Variants in PATJ observed in about 807,000 individuals in gnomAD.
PATJ encodes the protein inaD-like protein.
In PATJ, 190 loss-of-function variants were observed where a neutral mutation model predicts 224.9. The observed-to-expected ratio is 0.84, with a 90% CI of 0.75 to 0.95. The LOEUF (loss-of-function observed/expected upper bound fraction) is 0.95, where lower values mean the gene tolerates loss of function less well. PATJ is among the 40% of genes least tolerant of loss of function. PATJ has a pLI of 0.00. For synonymous variants in PATJ, 769 were observed against 820.3 expected (o/e 0.94, Z 1.07); for missense variants, 2,121 against 2,270.3 (o/e 0.93, Z 1.34).
chr1:62,128,198 A>G, intron 40 of PATJ, 104 bp downstream of exon 40: 7 of 1,377,006 alleles, frequency 5.1e-6, no homozygotes, highest in Non-Finnish European at 7.1e-6. Context: ...AGTAGCCATC[A>G]GAGACCCAGG....
chr1:62,002,397 G>A (rs1027383505), intron 28 of PATJ, among the ~76,000 whole-genome samples: 2 of 152,106 alleles, frequency 1.3e-5, no homozygotes, highest in African/African-American at 4.8e-5. Flanking sequence ...TCACTAACAA[G>A]ATAACTGTTT....
intron 14 of PATJ, among the ~76,000 whole-genome samples, chr1:61,818,395 C>T (rs913860189): frequency 3.3e-5 from 5 of 152,228 alleles, no homozygotes; most frequent in South Asian, 2.1e-4. Flanking sequence ...CACCAGTCGT[C>T]TGTTTCACTC....
intron 27 of PATJ, among the ~76,000 whole-genome samples, chr1:61,979,244 C>A (rs1571621164): frequency 6.6e-6 from 1 of 152,120 alleles, no homozygotes; most frequent in East Asian, 1.9e-4. Context: ...GGGAGGGCAT[C>A]TAGGTTATTT....
At chr1:61,815,569 A>G (rs991656026) in intron 14 of PATJ, among the ~76,000 whole-genome samples, 2 of 152,118 alleles carry the variant, frequency 1.3e-5, no homozygotes, top group Non-Finnish European at 2.9e-5. Flanking sequence ...AAGCATCTAC[A>G]TGACTGGGCG....
rs867796258 is a variant in PATJ, at chr1:61,881,416, T to A, written c.2960-2821T>A. On this transcript the variant is annotated intron_variant, in intron 21 of 43. Coordinates refer to ENST00000642238, the MANE Select transcript of PATJ (RefSeq NM_001350145.3). The stretch of plus-strand genomic sequence containing the variant: ...CACAGTTAAAACAGTTATTTTTTTT[T>A]TTTTTTTTTTTTGAGACAGAGTCTT... Among the ~76,000 whole-genome samples the A allele has an allele frequency of 6.5e-3, 978 of 149,504 alleles. 14 individuals carry two copies. Among genetic ancestry groups the A allele is most frequent in the East Asian group, 0.029 (148 of 5,118 alleles).
chr1:62,036,749 G>A (rs1650453723), intron 29 of PATJ, among the ~76,000 whole-genome samples: 2 of 151,756 alleles, frequency 1.3e-5, no homozygotes, highest in South Asian at 2.1e-4. Context: ...GCACATGCCT[G>A]TAATCCCAGC....
chr1:62,036,871 C>CAAAAAAAAAAAAAAA (rs55761910), intron 29 of PATJ, among the ~76,000 whole-genome samples: 2,594 of 67,068 alleles, frequency 0.039, 276 homozygotes, highest in East Asian at 0.23. Context: ...GACTCCATCT[C>CAAAAAAAAAAAAAAA]AAAAAAAAAA....
chr1:62,030,983 A>T (rs1488192116), intron 29 of PATJ, among the ~76,000 whole-genome samples: 6 of 152,202 alleles, frequency 3.9e-5, no homozygotes, highest in African/African-American at 1.4e-4. Flanking sequence ...GTGGCTTTTT[A>T]AAAAATTATT....
At chr1:62,106,063 A>AAAAAAAATAT (rs34767684) in intron 33 of PATJ, among the ~76,000 whole-genome samples, 2 of 39,638 alleles carry the variant, frequency 5.0e-5, no homozygotes, top group African/African-American at 9.9e-5. Flanking sequence ...AAAAAAAAAA[A>AAAAAAAATAT]ATATATATAT....
In PATJ at chr1:61,856,115, C is replaced by T; in HGVS notation, c.2198C>T (p.Pro733Leu). ...GVAERSGGLL[P>L]GDRLVSVNEY... is the part of the protein sequence containing the mutation. ...GCAGAAAGAAGTGGGGGACTATTAC[C>T]TGGAGACCGCCTGGTCTCAGTCAAT... Residue 733 changes from proline to leucine, a missense_variant, in exon 18 of 44, where the codon CCT (proline) becomes CTT (leucine). Pro to Leu is a moderately conservative substitution (Grantham distance 98, BLOSUM62 -3). Coordinates refer to ENST00000642238, the MANE Select transcript of PATJ (RefSeq NM_001350145.3). 6.2e-7 allele frequency: 1 copy of T among 1,613,792 alleles called. No homozygotes were observed. The highest frequency in any genetic ancestry group is 1.1e-5 in the South Asian group (1 of 91,076).
intron 16 of PATJ, among the ~76,000 whole-genome samples, chr1:61,831,745 T>G (rs1270114535): frequency 6.6e-6 from 1 of 152,198 alleles, no homozygotes; most frequent in East Asian, 1.9e-4. Flanking sequence ...TGTAAATTAG[T>G]TCAGCCACTG....
At chr1:62,054,163 A>G (rs2476184) in intron 31 of PATJ, among the ~76,000 whole-genome samples, 3,687 of 152,008 alleles carry the variant, frequency 0.024, 153 homozygotes, top group African/African-American at 0.084. Context: ...AGACCAGCCT[A>G]GGCAACATTG....
intron 15 of PATJ, among the ~76,000 whole-genome samples, chr1:61,823,720 T>C (rs1657704422): frequency 6.6e-6 from 1 of 152,188 alleles, no homozygotes; most frequent in Admixed American, 6.5e-5. Flanking sequence ...CAGAATCCCA[T>C]GGGCCTTGAT....
At chr1:62,065,111 T>G (rs1656192039) in intron 31 of PATJ, among the ~76,000 whole-genome samples, 1 of 152,226 alleles carries the variant, frequency 6.6e-6, no homozygotes, top group Non-Finnish European at 1.5e-5. Flanking sequence ...AAATTTCCCT[T>G]TCTTGGTGAT....
At chr1:61,924,792 G>A (rs1674861122) in intron 26 of PATJ, among the ~76,000 whole-genome samples, 1 of 152,160 alleles carries the variant, frequency 6.6e-6, no homozygotes, top group African/African-American at 2.4e-5. Flanking sequence ...GATACACAAT[G>A]TATTCTGCTT....
intron 43 of PATJ, among the ~76,000 whole-genome samples, chr1:62,156,823 G>A (rs1386417490): frequency 6.6e-6 from 1 of 151,112 alleles, no homozygotes; most frequent in East Asian, 2.0e-4. Flanking sequence ...GGCTGAGGTG[G>A]GAGGATGGCT....
At chr1:61,979,697 T>G (rs1022033067) in intron 27 of PATJ, among the ~76,000 whole-genome samples, 1 of 151,510 alleles carries the variant, frequency 6.6e-6, no homozygotes, top group African/African-American at 2.4e-5. Flanking sequence ...GCATACACAT[T>G]TATTTAATAT....
At chr1:61,854,081 T>C (rs1185322605) in intron 17 of PATJ, among the ~76,000 whole-genome samples, 4 of 152,204 alleles carry the variant, frequency 2.6e-5, no homozygotes, top group East Asian at 1.9e-4. Context: ...ACCCTGATGT[T>C]TGAAACACAG....
intron 16 of PATJ, among the ~76,000 whole-genome samples, chr1:61,828,709 A>G (rs766052027): frequency 3.9e-5 from 6 of 152,180 alleles, no homozygotes; most frequent in Non-Finnish European, 8.8e-5. Context: ...TTTTGAGCAC[A>G]TACTTTGCCA....
Sources: gnomAD v4.1 joint callset for allele counts (sites outside exome capture counted in the v4.1 genomes callset) on GRCh38, gnomAD v4.1.1 for gene constraint, MANE v1.5 for transcripts, NCBI Gene and HGNC (gene_info 2026-07-23, HGNC 2026-07-21) for gene names.